Variants in CSMD1 observed in about 807,000 individuals in gnomAD.
CSMD1 encodes CUB and Sushi multiple domains 1.
CSMD1 carries 213 observed loss-of-function variants against 417.5 expected under a neutral mutation model. That is an observed-to-expected ratio of 0.51 (90% confidence interval 0.46 to 0.57). The LOEUF (loss-of-function observed/expected upper bound fraction) is 0.57. CSMD1 is among the 20% of genes least tolerant of loss of function. The pLI is 0.00. For synonymous variants in CSMD1, 2,862 were observed against 1,736.8 expected, an observed-to-expected ratio of 1.65 and a Z score of -16.11; for missense variants, 6,923 against 4,529.7, an observed-to-expected ratio of 1.53 and a Z score of -15.17.
intron 1 of CSMD1, among the ~76,000 whole-genome samples, chr8:4,698,204 A>C (rs1807265003): frequency 6.6e-6 from 1 of 150,530 alleles, no homozygotes; most frequent in South Asian, 2.1e-4. Flanking sequence ...CATCTGTATT[A>C]ATGTAATTAA....
intron 2 of CSMD1, among the ~76,000 whole-genome samples, chr8:4,453,885 G>T (rs551893831): frequency 7.3e-6 from 1 of 136,662 alleles, no homozygotes; most frequent in Admixed American, 8.1e-5. Context: ...GCACTGGCGC[G>T]ACCTCGGCTC....
chr8:3,055,517 G>T (rs1317792419), intron 49 of CSMD1, among the ~76,000 whole-genome samples: 4 of 152,154 alleles, frequency 2.6e-5, no homozygotes, highest in Non-Finnish European at 5.9e-5. Context: ...TCCTGCTCAA[G>T]TTTAGTATTC....
intron 5 of CSMD1, among the ~76,000 whole-genome samples, chr8:3,776,383 C>T (rs915436349): frequency 2.0e-5 from 3 of 152,172 alleles, no homozygotes; most frequent in Non-Finnish European, 2.9e-5. Flanking sequence ...TAAAGCCAGA[C>T]TCTAAAGAGG....
chr8:3,585,049 A>G (rs370290412), intron 9 of CSMD1, among the ~76,000 whole-genome samples: 17 of 152,152 alleles, frequency 1.1e-4, no homozygotes, highest in Admixed American at 8.5e-4. Flanking sequence ...ACAACTCGCT[A>G]TCAGCTGGGC....
chr8:4,706,552 G>A (rs2617057), intron 1 of CSMD1, among the ~76,000 whole-genome samples: 140,121 of 152,290 alleles, frequency 0.92, 64,579 homozygotes, highest in East Asian at 0.99. Context: ...ATTTAACTCG[G>A]CATCATTTAA....
At chr8:3,613,990 T>C (rs58893826) in intron 8 of CSMD1, among the ~76,000 whole-genome samples, 3,766 of 151,946 alleles carry the variant, frequency 0.025, 66 homozygotes, top group Middle Eastern at 0.075. Flanking sequence ...TATTTGTAGA[T>C]AACAAAATCA....
intron 3 of CSMD1, among the ~76,000 whole-genome samples, chr8:4,034,067 C>G (rs1463426606): frequency 6.6e-6 from 1 of 152,106 alleles, no homozygotes; most frequent in Non-Finnish European, 1.5e-5. Context: ...TATCCATTGT[C>G]TTTGCATCGG....
At chr8:4,384,539 G>T (rs1368322843) in intron 3 of CSMD1, among the ~76,000 whole-genome samples, 2 of 152,158 alleles carry the variant, frequency 1.3e-5, no homozygotes, top group Non-Finnish European at 2.9e-5. Flanking sequence ...AATACTTTAT[G>T]AAGTCCTACC....
At chr8:4,497,385 T>A (rs529803578) in intron 2 of CSMD1, among the ~76,000 whole-genome samples, 1 of 152,230 alleles carries the variant, frequency 6.6e-6, no homozygotes, top group Non-Finnish European at 1.5e-5. Context: ...AAGTTCTTAA[T>A]AAATGCTGTC....
At chr8:3,483,502 A>G (rs62474226) in intron 11 of CSMD1, among the ~76,000 whole-genome samples, 71,596 of 151,844 alleles carry the variant, frequency 0.47, 17,351 homozygotes, top group South Asian at 0.56. Flanking sequence ...ACCAAAAATA[A>G]AATCCTCAGA....
chr8:3,192,669 T>C (rs1349224686), intron 33 of CSMD1, among the ~76,000 whole-genome samples: 2 of 152,216 alleles, frequency 1.3e-5, no homozygotes, highest in East Asian at 1.9e-4. Context: ...TATTTTGAAA[T>C]ACAAATACAA....
At chr8:4,907,608 G>A (rs543260756) in intron 1 of CSMD1, among the ~76,000 whole-genome samples, 1 of 152,216 alleles carries the variant, frequency 6.6e-6, no homozygotes, top group East Asian at 1.9e-4. Flanking sequence ...TACCCAAGCT[G>A]AAGTGCAGTG....
At chr8:4,430,050 C>T (rs1418931465) in intron 2 of CSMD1, among the ~76,000 whole-genome samples, 1 of 152,162 alleles carries the variant, frequency 6.6e-6, no homozygotes, top group East Asian at 1.9e-4. Context: ...TTTTCAGAAT[C>T]AACCAGGAAG....
chr8:4,832,440 G>C (rs953423861), intron 1 of CSMD1, among the ~76,000 whole-genome samples: 2 of 152,180 alleles, frequency 1.3e-5, no homozygotes, highest in East Asian at 1.9e-4. Context: ...TTGGAGAAGA[G>C]GCGCTGTGGC....
chr8:4,106,742 C>T (rs1253661381), intron 3 of CSMD1, among the ~76,000 whole-genome samples: 1 of 152,108 alleles, frequency 6.6e-6, no homozygotes, highest in Non-Finnish European at 1.5e-5. Flanking sequence ...TTAAGTTCAA[C>T]AACAGACCCC....
chr8:4,052,975 G>A (rs112397940), intron 3 of CSMD1, among the ~76,000 whole-genome samples: 4 of 152,048 alleles, frequency 2.6e-5, no homozygotes, highest in African/African-American at 9.7e-5. Flanking sequence ...AGAACCTGAG[G>A]GCCCCCTTAC....
At chr8:4,225,665 G>A (rs1304811298) in intron 3 of CSMD1, among the ~76,000 whole-genome samples, 1 of 152,268 alleles carries the variant, frequency 6.6e-6, no homozygotes, top group South Asian at 2.1e-4. Context: ...AAGCAGGAAA[G>A]TGGTGATGCC....
intron 5 of CSMD1, among the ~76,000 whole-genome samples, chr8:3,868,612 A>T (rs1490792725): frequency 5.3e-5 from 8 of 152,104 alleles, no homozygotes; most frequent in Admixed American, 3.3e-4. Flanking sequence ...TAGGACCCGA[A>T]CCTCACATGC....
At chr8:3,767,338 C>G (rs558650316) in intron 5 of CSMD1, among the ~76,000 whole-genome samples, 1 of 152,228 alleles carries the variant, frequency 6.6e-6, no homozygotes, top group Admixed American at 6.5e-5. Context: ...TCATACTGAC[C>G]TGGGTCCAAA....
Sources: allele counts gnomAD v4.1 joint callset (sites outside exome capture counted in the v4.1 genomes callset), GRCh38; gene constraint gnomAD v4.1.1; transcripts MANE v1.5; gene names NCBI Gene and HGNC (gene_info 2026-07-23, HGNC 2026-07-21).